CCDC60: variants seen among roughly 807,000 people sequenced by gnomAD.
CCDC60 encodes coiled-coil domain-containing protein 60.
CCDC60 carries 54 observed loss-of-function variants against 63.5 expected under a neutral mutation model. The observed-to-expected ratio is 0.85, with a 90% CI of 0.68 to 1.07. CCDC60 has a LOEUF of 1.07. Ranked by LOEUF, CCDC60 falls within the 50% of genes least tolerant of loss-of-function variation. The pLI is 0.00. For missense variants in CCDC60, 651 were observed against 684.3 expected, an observed-to-expected ratio of 0.95 and a Z score of 0.54; for synonymous variants, 206 against 238.8, an observed-to-expected ratio of 0.86 and a Z score of 1.27.
chr12:119,516,727 G>A lies in CCDC60; in HGVS notation c.968+20G>A, dbSNP rs772087916. On this transcript the variant is annotated intron_variant, in intron 8 of 13. Transcript: ENST00000327554. ...ACCCAGGTATGTGCTCTTGACTCCT[G>A]GGGCAAATAAAGCTTAGAATAATAG... 1 of 1,539,558 alleles carries A rather than the reference G, an allele frequency of 6.5e-7. No individual in the cohort carries two copies. The highest frequency in any genetic ancestry group is 2.2e-5 in the East Asian group (1 of 44,548).
At chr12:119,509,002 A>G (rs1156909395) in intron 7 of CCDC60, among the ~76,000 whole-genome samples, 1 of 152,008 alleles carries the variant, frequency 6.6e-6, no homozygotes, top group Non-Finnish European at 1.5e-5. Flanking sequence ...AGACTTTGCA[A>G]TGAGGGGAGG....
rs556783132 is a variant in CCDC60 at position 119,418,386 on chromosome 12, C to CTTTTTTTTTTTTTTT, written c.91-10265_91-10251dup. ...TCTTTCTTTTTCCTTTTCTTTCTTT[C>CTTTTTTTTTTTTTTT]TTTTTTTTTTTTTTTTTTTTTTTTT... On this transcript the variant is annotated intron_variant, in intron 1 of 13. Transcript: ENST00000327554. Among the ~76,000 whole-genome samples the CTTTTTTTTTTTTTTT allele has an allele frequency of 1.4e-3, 89 of 65,738 alleles. 10 individuals carry two copies. Among genetic ancestry groups the CTTTTTTTTTTTTTTT allele is most frequent in the Non-Finnish European group, 2.1e-3 (77 of 37,234 alleles). The allele number at this position is 65,738 out of a possible 152,430, so 43.1% of individuals were successfully genotyped here. A position where few individuals can be genotyped will look rare whatever the true frequency, so the allele number is the denominator to read the frequency against.
intron 1 of CCDC60, among the ~76,000 whole-genome samples, chr12:119,390,422 CTAT>C (rs1956136123): frequency 1.3e-5 from 2 of 152,230 alleles, no homozygotes; most frequent in African/African-American, 4.8e-5. Context: ...TCCCACCATT[CTAT>C]ACATCACATC....
chr12:119,509,506 G>A (rs1194115895), intron 7 of CCDC60, among the ~76,000 whole-genome samples: 5 of 152,102 alleles, frequency 3.3e-5, no homozygotes. Flanking sequence ...ACAATCAACT[G>A]GAGCTTGGTC....
chr12:119,477,444 C>T (rs1050851056), intron 3 of CCDC60, among the ~76,000 whole-genome samples: 2 of 152,212 alleles, frequency 1.3e-5, no homozygotes, highest in African/African-American at 4.8e-5. Flanking sequence ...TATTGGAACA[C>T]TTATCACAAC....
chr12:119,497,078 G>A (rs1047280228), intron 5 of CCDC60, among the ~76,000 whole-genome samples: 1 of 152,144 alleles, frequency 6.6e-6, no homozygotes, highest in Non-Finnish European at 1.5e-5. Flanking sequence ...GGCAGAAAAA[G>A]GAATCCGATG....
chr12:119,489,150 C>T (rs1951524901), intron 5 of CCDC60, among the ~76,000 whole-genome samples: 1 of 152,186 alleles, frequency 6.6e-6, no homozygotes, highest in African/African-American at 2.4e-5. Flanking sequence ...GGAGTATTTA[C>T]ACCACAGAAA....
chr12:119,419,680 C>T (rs1485126416), intron 1 of CCDC60, among the ~76,000 whole-genome samples: 1 of 152,020 alleles, frequency 6.6e-6, no homozygotes, highest in Admixed American at 6.6e-5. Flanking sequence ...AGCTTCCTTC[C>T]CAGGGATCAT....
chr12:119,370,262 T>C (rs1170127135), intron 1 of CCDC60, among the ~76,000 whole-genome samples: 1 of 152,212 alleles, frequency 6.6e-6, no homozygotes, highest in Non-Finnish European at 1.5e-5. Context: ...AATCATGCAC[T>C]ATTGTTAAGT....
At chr12:119,399,935 G>A (rs1027685091) in intron 1 of CCDC60, among the ~76,000 whole-genome samples, 20 of 151,992 alleles carry the variant, frequency 1.3e-4, no homozygotes, top group African/African-American at 4.1e-4. Context: ...CAGCTTTTTA[G>A]ATTAAGTATC....
chr12:119,431,709 C>T (rs1950232032), intron 2 of CCDC60, among the ~76,000 whole-genome samples: 1 of 152,118 alleles, frequency 6.6e-6, no homozygotes, highest in South Asian at 2.1e-4. Context: ...GACAGAGTCT[C>T]GCTCTGTTGC....
chr12:119,450,640 C>G (rs1423160068), intron 2 of CCDC60, among the ~76,000 whole-genome samples: 2 of 152,094 alleles, frequency 1.3e-5, no homozygotes, highest in East Asian at 3.9e-4. Flanking sequence ...GGGCGGATCA[C>G]AAGGTCAAGA....
At chr12:119,449,490 C>A (rs1950593915) in intron 2 of CCDC60, among the ~76,000 whole-genome samples, 1 of 151,998 alleles carries the variant, frequency 6.6e-6, no homozygotes, top group Non-Finnish European at 1.5e-5. Context: ...CTGCTCCATC[C>A]AAAGAAAATG....
At chr12:119,461,642 A>G (rs1950858860) in intron 2 of CCDC60, among the ~76,000 whole-genome samples, 1 of 152,192 alleles carries the variant, frequency 6.6e-6, no homozygotes, top group African/African-American at 2.4e-5. Context: ...TTTCCATTTT[A>G]TAATCTGCTT....
In CCDC60 at chr12:119,516,263, G is replaced by T. The variant is rs925809643; in HGVS notation, c.884-360G>T. On this transcript the variant is annotated intron_variant, in intron 7 of 13. Transcript: ENST00000327554. ...TGAAATTACAGACATCCACCACCAC[G>T]CCCAGCTGATTTTTGTATTTTTTGT... 8.6e-5 allele frequency among the ~76,000 whole-genome samples: 13 copies of T among 151,990 alleles called. No homozygotes were observed. The South Asian group carries it at 2.5e-3, about 29-fold the overall frequency.
At chr12:119,471,924 C>A in intron 2 of CCDC60, 70 bp from the exon 3 acceptor site, 1 of 1,293,338 alleles carries the variant, frequency 7.7e-7, no homozygotes, top group Non-Finnish European at 1.1e-6. Context: ...TTCTCTCCTT[C>A]TCTTTCCTTC....
chr12:119,372,701 CAT>C (rs1955909870), intron 1 of CCDC60, among the ~76,000 whole-genome samples: 2 of 152,114 alleles, frequency 1.3e-5, no homozygotes, highest in South Asian at 4.2e-4. Context: ...GCAGGCATGA[CAT>C]AGATTTCACA....
At chr12:119,417,673 C>T (rs887359400) in intron 1 of CCDC60, among the ~76,000 whole-genome samples, 14 of 152,102 alleles carry the variant, frequency 9.2e-5, no homozygotes, top group Non-Finnish European at 1.9e-4. Flanking sequence ...TTAATTAAGT[C>T]CTCAAGAAGA....
Position 119,445,536 on chromosome 12 carries a change from A to G in CCDC60, c.170+16774A>G, listed in dbSNP as rs960300302. On this transcript the variant is annotated intron_variant, in intron 2 of 13. Transcript: ENST00000327554. ...AGGACAACCAAATCAAGCAGGCTGC[A>G]AAGTGTTGAGAACAATTCTTCAACA... 5.3e-5 allele frequency among the ~76,000 whole-genome samples: 8 copies of G among 150,930 alleles called. No individual in the cohort carries two copies. The South Asian group carries it at 1.5e-3, about 27-fold the overall frequency.
Sources: allele counts gnomAD v4.1 joint callset (sites outside exome capture counted in the v4.1 genomes callset), GRCh38; gene constraint gnomAD v4.1.1; transcripts MANE v1.5; gene names NCBI Gene and HGNC (gene_info 2026-07-23, HGNC 2026-07-21).